ZNF729: variants seen among roughly 807,000 people sequenced by gnomAD.
The protein encoded by ZNF729 is zinc finger protein 729.
A neutral mutation model predicts 12.2 loss-of-function variants in ZNF729; 15 were observed. The observed-to-expected ratio is 1.23, with a 90% confidence interval of 0.82 to 1.89. The LOEUF (loss-of-function observed/expected upper bound fraction) is 1.89, where lower values mean the gene tolerates loss of function less well. Among genes scored for constraint, ZNF729 ranks in the 40% most tolerant of loss-of-function variants. The pLI is 0.00. For missense variants in ZNF729, 1,540 were observed against 1,456.7 expected, an observed-to-expected ratio of 1.06 and a Z score of -0.93; for synonymous variants, 492 against 476.3, an observed-to-expected ratio of 1.03 and a Z score of -0.43.
rs766396116 is a variant in ZNF729, at chr19:22,316,425, A to G, written c.3008A>G (p.Asn1003Ser). ...GAAGAATGTGGCAAAGATTTTAACAATTCCTCAACCCTTAAGAAACATAAG... is the reference window on the plus strand; with the variant it reads ...GAAGAATGTGGCAAAGATTTTAACAGTTCCTCAACCCTTAAGAAACATAAG... ...KCEECGKDFNNSSTLKKHKLI... is the reference protein window; with the variant it reads ...KCEECGKDFNSSSTLKKHKLI... Residue 1003 changes from asparagine (N) to serine (S), a missense_variant, in exon 4 of 4, where the codon AAT (asparagine) becomes AGT (serine). Transcript: ENST00000601693. 1 of 1,613,666 alleles carries G rather than the reference A, an allele frequency of 6.2e-7. No individual in the cohort carries two copies. Among genetic ancestry groups the G allele is most frequent in the Non-Finnish European group, 8.5e-7 (1 of 1,179,688 alleles).
At chr19:22,309,657 C>T (rs1599757878) in intron 3 of ZNF729, among the ~76,000 whole-genome samples, 1 of 146,234 alleles carries the variant, frequency 6.8e-6, no homozygotes, top group African/African-American at 2.5e-5. Context: ...CAGATTTGTT[C>T]TTTTTGCTTT....
At chr19:22,310,648 G>A (rs1968439985) in intron 3 of ZNF729, among the ~76,000 whole-genome samples, 1 of 152,102 alleles carries the variant, frequency 6.6e-6, no homozygotes, top group South Asian at 2.1e-4. Flanking sequence ...ACATCAGTCT[G>A]TGGTTTTCTT....
intron 3 of ZNF729, among the ~76,000 whole-genome samples, chr19:22,312,773 G>A (rs1181275748): frequency 1.3e-5 from 2 of 152,154 alleles, no homozygotes; most frequent in East Asian, 3.9e-4. Flanking sequence ...GAGTGCGATG[G>A]CATGATCTCG....
rs760415127 is a variant in ZNF729, at chr19:22,304,697, T to C, written c.167T>C (p.Val56Ala). Reference protein sequence around the residue: ...YRNLVFLGMAVFKPDLITCLK... With the variant: ...YRNLVFLGMAAFKPDLITCLK... ...ATTTTTAATAAAACAGGTATGGCTG[T>C]CTTTAAGCCAGACTTGATAACTTGT... The change falls in exon 3 of 4, where the codon GTC becomes GCC. Residue 56 changes from valine (V) to alanine (A), a missense_variant. Coordinates refer to ENST00000601693, the MANE Select transcript of ZNF729 (RefSeq NM_001242680.2). 1 of 1,612,174 alleles carries C rather than the reference T, an allele frequency of 6.2e-7. No homozygotes were observed. Among genetic ancestry groups the C allele is most frequent in the Non-Finnish European group, 8.5e-7 (1 of 1,179,100 alleles).
rs774641301 is a variant in ZNF729, at chr19:22,315,314, T to C, written c.1897T>C (p.Cys633Arg). ...GAAGAAACCGTACAAATGTGAAGAA[T>C]GTGGCAAAGCTTTTAGGCAATCCTC... ...TGKKPYKCEECGKAFRQSSHL... is the reference protein window; with the variant it reads ...TGKKPYKCEERGKAFRQSSHL... The change falls in exon 4 of 4, where the codon TGT (cysteine) becomes CGT (arginine). Residue 633 changes from cysteine to arginine, a missense_variant. Physicochemically the swap from Cys to Arg is radical, Grantham distance 180. Coordinates refer to ENST00000601693, the MANE Select transcript of ZNF729 (RefSeq NM_001242680.2). 1.2e-6 allele frequency: 2 copies of C among 1,613,498 alleles called. No individual in the cohort carries two copies. Among genetic ancestry groups the C allele is most frequent in the Non-Finnish European group, 1.7e-6 (2 of 1,179,772 alleles).
chr19:22,289,468 A>C (rs943272780), intron 1 of ZNF729, among the ~76,000 whole-genome samples: 2 of 151,718 alleles, frequency 1.3e-5, no homozygotes, highest in Admixed American at 6.6e-5. Flanking sequence ...CTTATGATCC[A>C]CCCGCCTCAG....
chr19:22,317,090 T>A lies in ZNF729; in HGVS notation c.3673T>A (p.Leu1225Ile), dbSNP rs1454783739. Reference protein sequence around the residue: ...PTNVKKVPKLLSNPHTLLDKT... With the variant: ...PTNVKKVPKLISNPHTLLDKT... ...AAATGTGAAGAAAGTACCAAAGCTT[T>A]TAAGCAATCCTCACACCTTACTAGA... Residue 1225 changes from leucine to isoleucine, a missense_variant, in exon 4 of 4, where the codon TTA becomes ATA. Leu to Ile is a conservative substitution (Grantham distance 5, BLOSUM62 2). Coordinates refer to ENST00000601693, the MANE Select transcript of ZNF729 (RefSeq NM_001242680.2). 1 of 1,600,090 alleles carries A rather than the reference T, an allele frequency of 6.2e-7. No individual in the cohort carries two copies. Among genetic ancestry groups the A allele is most frequent in the African/African-American group, 1.4e-5 (1 of 72,642 alleles).
In ZNF729 at chr19:22,317,143, C is replaced by A; in HGVS notation, c.3726C>A (p.Pro1242=). Residue 1242 remains proline (P), a synonymous_variant, in exon 4 of 4, where the codon CCC becomes CCA. Transcript: ENST00000601693. The stretch of plus-strand genomic sequence containing the variant: ...AAACAATTCATACTGGAGAGAAACC[C>A]TACAAATGTGAAGAATGTGCCAAAG... ...LDKTIHTGEK[P]YKCEECAKAF 1 of 1,600,470 alleles carries A rather than the reference C, an allele frequency of 6.2e-7. No homozygotes were observed. The highest frequency in any genetic ancestry group is 2.3e-5 in the East Asian group (1 of 44,418).
intron 1 of ZNF729, among the ~76,000 whole-genome samples, chr19:22,288,473 A>T (rs926543520): frequency 2.0e-5 from 3 of 151,792 alleles, no homozygotes; most frequent in Non-Finnish European, 2.9e-5. Flanking sequence ...TAACTAAAAT[A>T]CCCCCCATGG....
intron 3 of ZNF729, among the ~76,000 whole-genome samples, chr19:22,311,683 G>T (rs1471696000): frequency 6.6e-6 from 1 of 152,132 alleles, no homozygotes; most frequent in Non-Finnish European, 1.5e-5. Context: ...TGGATGGAAT[G>T]TTCTGTATAT....
chr19:22,312,314 T>C (rs1968459862), intron 3 of ZNF729, among the ~76,000 whole-genome samples: 1 of 152,146 alleles, frequency 6.6e-6, no homozygotes, highest in Admixed American at 6.6e-5. Context: ...AATTTGTACA[T>C]CAAAAAAGCT....
chr19:22,298,502 G>A (rs566440281), intron 1 of ZNF729, among the ~76,000 whole-genome samples: 100 of 152,114 alleles, frequency 6.6e-4, no homozygotes, highest in Non-Finnish European at 1.2e-3. Flanking sequence ...ATAACTATAG[G>A]TAAGCATAAT....
At chr19:22,290,949 A>G (rs1211862010) in intron 1 of ZNF729, among the ~76,000 whole-genome samples, 1 of 152,118 alleles carries the variant, frequency 6.6e-6, no homozygotes, top group African/African-American at 2.4e-5. Flanking sequence ...ATATTATTGA[A>G]CTTGAAGAAG....
intron 3 of ZNF729, among the ~76,000 whole-genome samples, chr19:22,312,796 C>T (rs1418412044): frequency 6.6e-6 from 1 of 152,244 alleles, no homozygotes; most frequent in East Asian, 1.9e-4. Flanking sequence ...TCACCTCAAC[C>T]TCCGCCTCCC....
Position 22,315,211 on chromosome 19 carries a change from A to G in ZNF729, c.1794A>G (p.Lys598=). Residue 598 remains lysine (K), a synonymous_variant, in exon 4 of 4, where the codon AAA becomes AAG. Coordinates refer to ENST00000601693, the MANE Select transcript of ZNF729 (RefSeq NM_001242680.2). ...ATAAGGTAATTCATACTAGGGAGAA[A>G]TTGTACAAATGTGAAGAATGTGGCA... The part of the protein sequence containing the change: ...RKHKVIHTRE[K]LYKCEECGKA... The G allele has an allele frequency of 6.2e-7, 1 of 1,612,094 alleles. No individual in the cohort carries two copies. Among genetic ancestry groups the G allele is most frequent in the Non-Finnish European group, 8.5e-7 (1 of 1,179,370 alleles).
rs190362051 is a variant in ZNF729 at position 22,292,538 on chromosome 19, A to G, written c.30+5983A>G. Among the ~76,000 whole-genome samples the G allele has an allele frequency of 3.3e-5, 5 of 151,866 alleles. No individual in the cohort carries two copies. In the East Asian group the frequency reaches 9.7e-4, roughly 29 times the overall value. On this transcript the variant is annotated intron_variant, in intron 1 of 3. Transcript: ENST00000601693. ...ACTGCAGCCTCAACCTCCTGGGCTC[A>G]AGCAATTCTTCTACCTCAGCCCCCA...
In ZNF729 at chr19:22,316,796, A is replaced by T. The variant is rs754405100; in HGVS notation, c.3379A>T (p.Thr1127Ser). The T allele has an allele frequency of 2.5e-6, 4 of 1,613,330 alleles. No individual in the cohort carries two copies. Among genetic ancestry groups the T allele is most frequent in the Non-Finnish European group, 3.4e-6 (4 of 1,179,950 alleles). Reference protein sequence around the residue: ...STLTKHKIIHTGEKPYKCEEC... With the variant: ...STLTKHKIIHSGEKPYKCEEC... The stretch of plus-strand genomic sequence containing the variant: ...CCTTACGAAACATAAGATAATTCAT[A>T]CTGGGGAGAAACCCTACAAATGTGA... The change falls in exon 4 of 4, where the codon ACT becomes TCT. Residue 1127 changes from threonine to serine, a missense_variant. Thr to Ser is a moderately conservative substitution (Grantham distance 58, BLOSUM62 1). Transcript: ENST00000601693.
At chr19:22,301,184 TAATA>T (rs1012486433) in intron 1 of ZNF729, among the ~76,000 whole-genome samples, 1 of 152,150 alleles carries the variant, frequency 6.6e-6, no homozygotes, top group African/African-American at 2.4e-5. Context: ...TTCCTGTAAA[TAATA>T]AAAATTTCTG....
At position 22,313,654 on chromosome 19, in the gene ZNF729, A is replaced by AT; in HGVS notation, c.254-12dup. Reference sequence around the variant, plus strand: ...AGTCTAGCAAGTGGAATAATTTGTTATTTTTATTTCTTCTAGTTATGCGTT... The same window carrying AT: ...AGTCTAGCAAGTGGAATAATTTGTTATTTTTTATTTCTTCTAGTTATGCGTT... On this transcript the variant is annotated splice_polypyrimidine_tract_variant and intron_variant, in intron 3 of 3. Transcript: ENST00000601693. The AT allele has an allele frequency of 7.0e-7, 1 of 1,437,552 alleles. No homozygotes were observed. Among genetic ancestry groups the AT allele is most frequent in the Non-Finnish European group, 9.1e-7 (1 of 1,100,198 alleles). The allele number at this position is 1,437,552 out of a possible 1,614,324, so 89.0% of individuals were successfully genotyped here.
Sources: allele counts gnomAD v4.1 joint callset (sites outside exome capture counted in the v4.1 genomes callset), GRCh38; gene constraint gnomAD v4.1.1; transcripts MANE v1.5; gene names NCBI Gene and HGNC (gene_info 2026-07-23, HGNC 2026-07-21).